The following SGK2 variants were observed in gnomAD, a reference collection of about 807,000 sequenced individuals.
SGK2 encodes serum/glucocorticoid regulated kinase 2, also known as serine/threonine-protein kinase Sgk2.
A neutral mutation model predicts 47.5 loss-of-function variants in SGK2; 36 were observed. The ratio of observed to expected loss-of-function variants is 0.76; its 90% CI spans 0.58 to 1.00. The LOEUF is 1.00. SGK2 is among the 50% of genes least tolerant of loss of function. The probability of loss-of-function intolerance (pLI) is 0.00; values close to 1 mark genes in which losing one functional copy is unlikely to be tolerated. For synonymous variants in SGK2, 157 were observed against 181.9 expected (o/e 0.86, Z 1.10); for missense variants, 404 against 467.4 (o/e 0.86, Z 1.25).
At chr20:43,560,742 G>C (rs896758601) in intron 1 of SGK2, among the ~76,000 whole-genome samples, 13 of 152,170 alleles carry the variant, frequency 8.5e-5, no homozygotes, top group Admixed American at 2.6e-4. Flanking sequence ...TATAGTTTTT[G>C]GTTGTGTAAT....
intron 1 of SGK2, among the ~76,000 whole-genome samples, chr20:43,560,497 TCAA>T (rs1979315990): frequency 2.0e-5 from 2 of 100,864 alleles, no homozygotes; most frequent in African/African-American, 5.9e-5. Context: ...AGACTCCATC[TCAA>T]AAAAAAAAAA....
At chr20:43,573,590 G>A (rs138827485) in intron 9 of SGK2, among the ~76,000 whole-genome samples, 2 of 152,272 alleles carry the variant, frequency 1.3e-5, no homozygotes, top group Non-Finnish European at 2.9e-5. Flanking sequence ...ACGTCAGGGT[G>A]AGGGTTGGAG....
At chr20:43,583,489 T>G (rs1487193881) in intron 12 of SGK2, 1 of 1,156,302 alleles carries the variant, frequency 8.6e-7, no homozygotes, top group Non-Finnish European at 1.1e-6. Flanking sequence ...TCTTGTAGCC[T>G]TATTGAGAAG....
intron 5 of SGK2, 119 bp downstream of exon 5, chr20:43,568,118 C>G (rs913065321): frequency 2.7e-6 from 2 of 754,300 alleles, no homozygotes; most frequent in African/African-American, 3.5e-5. Context: ...GAAGTGGTCA[C>G]AACAAAGGGT....
intron 12 of SGK2, chr20:43,583,436 A>T (rs920047094): frequency 8.4e-7 from 1 of 1,190,554 alleles, no homozygotes; most frequent in Non-Finnish European, 1.1e-6. Flanking sequence ...CAGGATGCAC[A>T]TTCTGATCTT....
At position 43,572,230 on chromosome 20, in the gene SGK2, C is replaced by A; in HGVS notation, c.597+93C>A. On this transcript the variant is annotated intron_variant, in intron 9 of 12. Transcript: ENST00000373100. This position sits in a 1 kb window ranked among gnomAD's most constrained non-coding sequence, Gnocchi z 4.2. The stretch of plus-strand genomic sequence containing the variant: ...AACAGGTTACAGTGAAGGGGACTCA[C>A]TCCTTTGACCCAAACACTTCTCCTG... The A allele has an allele frequency of 1.1e-6, 1 of 916,860 alleles. No individual in the cohort carries two copies. The highest frequency in any genetic ancestry group is 1.7e-6 in the Non-Finnish European group (1 of 578,452). The allele number at this position is 916,860 out of a possible 1,614,324, so 56.8% of individuals were successfully genotyped here.
rs1979956073 is a variant in SGK2 at position 43,569,382 on chromosome 20, C to T, written c.229-3C>T. On this transcript the variant is annotated splice_region_variant and splice_polypyrimidine_tract_variant and intron_variant, in intron 5 of 12. Transcript: ENST00000373100. ...ATGGACCCCTCTCTTTGTGACTCCA[C>T]AGCAGAGCCACATCATGGCAGAGCG... 1 of 1,613,688 alleles carries T rather than the reference C, an allele frequency of 6.2e-7. No individual in the cohort carries two copies. Among genetic ancestry groups the T allele is most frequent in the Admixed American group, 1.7e-5 (1 of 60,000 alleles).
Position 43,569,393 on chromosome 20 carries a change from C to A in SGK2, c.237C>A (p.His79Gln), listed in dbSNP as rs1206827133. 2 of 1,613,966 alleles carry A rather than the reference C, an allele frequency of 1.2e-6. No individual in the cohort carries two copies. The highest frequency in any genetic ancestry group is 3.3e-5 in the Admixed American group (2 of 60,020). ...TCTTTGTGACTCCACAGCAGAGCCA[C>A]ATCATGGCAGAGCGCAGTGTGCTTC... is the stretch of plus-strand genomic sequence containing the variant. The part of the protein sequence containing the change: ...KSILKKKEQS[H>Q]IMAERSVLLK... Residue 79 changes from histidine to glutamine, a missense_variant, in exon 6 of 13, where the codon CAC becomes CAA. By Grantham distance (24) the His-to-Gln change is conservative. Transcript: ENST00000373100.
chr20:43,571,134 G>A (rs970067046), intron 8 of SGK2, 74 bp downstream of exon 8: 2 of 1,599,484 alleles, frequency 1.3e-6, no homozygotes, highest in Non-Finnish European at 1.7e-6. Context: ...ATCTGACCAT[G>A]AGTCTGTGTA....
At chr20:43,582,658 G>C (rs1027306097) in intron 12 of SGK2, among the ~76,000 whole-genome samples, 1 of 146,774 alleles carries the variant, frequency 6.8e-6, no homozygotes, top group East Asian at 2.1e-4. Flanking sequence ...AAAGTGCTGG[G>C]ATTACAGGCA....
At chr20:43,569,179 A>T (rs1282214409) in intron 5 of SGK2, among the ~76,000 whole-genome samples, 1 of 152,134 alleles carries the variant, frequency 6.6e-6, no homozygotes, top group African/African-American at 2.4e-5. Flanking sequence ...GCTTAGGATG[A>T]GGCTGACCAC....
chr20:43,560,310 C>G (rs919752843), intron 1 of SGK2, among the ~76,000 whole-genome samples: 2 of 152,098 alleles, frequency 1.3e-5, no homozygotes, highest in Non-Finnish European at 2.9e-5. Flanking sequence ...ACCAGCCTAG[C>G]CAACATGGTG....
intron 2 of SGK2, 98 bp downstream of exon 2, chr20:43,566,629 G>T (rs774520700): frequency 6.1e-6 from 5 of 818,020 alleles, no homozygotes; most frequent in Non-Finnish European, 9.9e-6. Context: ...GGCTGAGAGG[G>T]TTACTGCGAG....
Position 43,574,995 on chromosome 20 carries a change from C to G in SGK2, c.684C>G (p.Leu228=), listed in dbSNP as rs766187049. Residue 228 remains leucine (L), a synonymous_variant, in exon 10 of 13, where the codon CTC becomes CTG. Coordinates refer to ENST00000373100, the MANE Select transcript of SGK2 (RefSeq NM_170693.3). ...TGGGGGCAGTCCTCTACGAGATGCT[C>G]CATGGCCTGGTGAGTCAGGGGTAGC... The part of the protein sequence containing the change: ...WCLGAVLYEM[L]HGLPPFYSQD... 2.5e-6 allele frequency: 4 copies of G among 1,612,596 alleles called. No homozygotes were observed. In the African/African-American group the frequency reaches 5.3e-5, roughly 22 times the overall value.
intron 3 of SGK2, 51 bp from the exon 4 acceptor site, chr20:43,567,614 A>G: frequency 1.3e-6 from 2 of 1,556,016 alleles, no homozygotes; most frequent in Admixed American, 1.7e-5. Context: ...CTCAGGCACC[A>G]GGTTTCCAGA....
chr20:43,566,299 C>G, intron 1 of SGK2, 174 bp from the exon 2 acceptor site: 1 of 1,586,192 alleles, frequency 6.3e-7, no homozygotes, highest in East Asian at 2.2e-5. Flanking sequence ...CAGGGGATAT[C>G]ATTTCTTGTT....
chr20:43,582,992 G>C (rs1422631464), intron 12 of SGK2, among the ~76,000 whole-genome samples: 1 of 152,218 alleles, frequency 6.6e-6, no homozygotes, highest in African/African-American at 2.4e-5. Flanking sequence ...GGTAGTGGCA[G>C]TGTGAATGAA....
In SGK2 at chr20:43,566,536, G is replaced by C; in HGVS notation, c.36+5G>C. The C allele has an allele frequency of 1.9e-6, 3 of 1,600,460 alleles. No individual in the cohort carries two copies. Among genetic ancestry groups the C allele is most frequent in the Non-Finnish European group, 1.7e-6 (2 of 1,169,352 alleles). ...GCTGGGACCCCAAGTCCACAGGTGA[G>C]TGGTTCTTGGTCCCCCACCCATCAT... On this transcript the variant is annotated splice_donor_5th_base_variant and intron_variant, in intron 2 of 12. Coordinates refer to ENST00000373100, the MANE Select transcript of SGK2 (RefSeq NM_170693.3).
Position 43,566,171 on chromosome 20 carries a change from C to T in SGK2, c.-23-302C>T, listed in dbSNP as rs896718185. On this transcript the variant is annotated intron_variant, in intron 1 of 12. Transcript: ENST00000373100. Reference sequence around the variant, plus strand: ...TTGGACTTCTGGAGCTACCCTGGCTCACAGGGGTCTTGTTGCCCTGGGTGT... The same window carrying T: ...TTGGACTTCTGGAGCTACCCTGGCTTACAGGGGTCTTGTTGCCCTGGGTGT... 9.5e-6 allele frequency: 6 copies of T among 631,832 alleles called. No homozygotes were observed. In the South Asian group the frequency reaches 1.5e-4, roughly 15 times the overall value. 39.1% of individuals were successfully genotyped at this position (631,832 alleles called of 1,614,324 possible). A position where few individuals can be genotyped will look rare whatever the true frequency, so the allele number is the denominator to read the frequency against.
Sources: allele counts gnomAD v4.1 joint callset (sites outside exome capture counted in the v4.1 genomes callset), GRCh38; gene constraint gnomAD v4.1.1; non-coding constraint Gnocchi (gnomAD v3.1); transcripts MANE v1.5; gene names NCBI Gene and HGNC (gene_info 2026-07-23, HGNC 2026-07-21).